Variants in KCNK9 observed in about 807,000 individuals in gnomAD.
The protein encoded by KCNK9 is potassium channel subfamily K member 9.
In KCNK9, 1 loss-of-function variant was observed where a neutral mutation model predicts 10.8. The observed-to-expected ratio is 0.09, with a 90% CI of 0.03 to 0.44. The LOEUF is 0.44. Among genes scored for constraint, KCNK9 ranks in the 20% least tolerant of loss-of-function variants. KCNK9 has a pLI of 0.97. For missense variants in KCNK9, 303 were observed against 515.0 expected (o/e 0.59, Z 3.98); for synonymous variants, 231 against 222.7 (o/e 1.04, Z -0.33).
intron 1 of KCNK9, among the ~76,000 whole-genome samples, chr8:139,635,307 G>A (rs574543389): frequency 5.9e-5 from 9 of 152,364 alleles, no homozygotes; most frequent in East Asian, 3.9e-4. Flanking sequence ...GAGTGTCTGC[G>A]TTGCTAGGGC....
chr8:139,618,616 C>T lies in KCNK9; in HGVS notation c.767G>A (p.Arg256Gln), dbSNP rs779895065. 5 of 1,614,138 alleles carry T rather than the reference C, an allele frequency of 3.1e-6. No homozygotes were observed. Among genetic ancestry groups the T allele is most frequent in the Admixed American group, 3.3e-5 (2 of 60,022 alleles). Residue 256 changes from arginine to glutamine, a missense_variant, in exon 2 of 2, where the codon CGG becomes CAG. Physicochemically the swap from Arg to Gln is conservative, Grantham distance 43. Around this residue, in one of 5 missense-constraint regions of KCNK9, gnomAD observed 53 missense variants for 134.9 expected, o/e 0.39. Transcript: ENST00000520439. The surrounding 1 kb of genome is among the most constrained non-coding windows in gnomAD (Gnocchi z 7.9). ...FLTMNSEDER[R>Q]DAEERASLAG... ...GAGGGATGCCCTCTCTTCAGCATCC[C>T]GCCGCTCATCCTCACTGTTCATGGT... is the stretch of plus-strand genomic sequence containing the variant.
intron 1 of KCNK9, among the ~76,000 whole-genome samples, chr8:139,630,082 C>G (rs1815114933): frequency 6.6e-6 from 1 of 151,684 alleles, no homozygotes; most frequent in African/African-American, 2.4e-5. Flanking sequence ...TGGGGGGCGG[C>G]GCGAAAGGGT....
chr8:139,617,464 G>A lies in KCNK9; in HGVS notation c.*794C>T, dbSNP rs1410589282. Among the ~76,000 whole-genome samples the A allele has an allele frequency of 6.6e-6, 1 of 152,172 alleles. No homozygotes were observed. Among genetic ancestry groups the A allele is most frequent in the East Asian group, 1.9e-4 (1 of 5,194 alleles). On this transcript the variant is annotated 3_prime_UTR_variant, in exon 2 of 2. Coordinates refer to ENST00000520439, the MANE Select transcript of KCNK9 (RefSeq NM_001282534.2). ...ATAGCGCATACCAGTTTAACAAAGT[G>A]CATGCTTTTTAAAAAATGTCTGAAC...
intron 1 of KCNK9, among the ~76,000 whole-genome samples, chr8:139,671,227 C>G (rs1271265255): frequency 6.6e-6 from 1 of 152,252 alleles, no homozygotes; most frequent in Non-Finnish European, 1.5e-5. Flanking sequence ...GGGCAGAGGG[C>G]TTCTGTGGCA....
chr8:139,663,652 T>TGA (rs1816223652), intron 1 of KCNK9, among the ~76,000 whole-genome samples: 2 of 145,354 alleles, frequency 1.4e-5, no homozygotes, highest in Admixed American at 6.8e-5. Flanking sequence ...TGCGCACGTG[T>TGA]GTGTGTGTGT....
chr8:139,701,252 G>A (rs973159058), intron 1 of KCNK9, among the ~76,000 whole-genome samples: 5 of 152,084 alleles, frequency 3.3e-5, no homozygotes, highest in Non-Finnish European at 4.4e-5. Context: ...AAGGGCGTGG[G>A]GCAAGCAAGA....
chr8:139,648,040 A>T (rs1484453689), intron 1 of KCNK9, among the ~76,000 whole-genome samples: 1 of 152,206 alleles, frequency 6.6e-6, no homozygotes, highest in African/African-American at 2.4e-5. Context: ...ATCTCCTTCA[A>T]ATAAGACCTG....
intron 1 of KCNK9, among the ~76,000 whole-genome samples, chr8:139,648,469 C>A (rs540956221): frequency 6.6e-6 from 1 of 152,370 alleles, no homozygotes; most frequent in Non-Finnish European, 1.5e-5. Flanking sequence ...ACAACCCATG[C>A]AAGATGGTGA....
chr8:139,609,771 C>T (rs943817058), downstream of KCNK9, among the ~76,000 whole-genome samples: 1 of 152,156 alleles, frequency 6.6e-6, no homozygotes, highest in Non-Finnish European at 1.5e-5. Flanking sequence ...TCACCTGCAA[C>T]AGAGGGTGTT....
At chr8:139,631,007 G>A (rs746115147) in intron 1 of KCNK9, among the ~76,000 whole-genome samples, 3 of 152,242 alleles carry the variant, frequency 2.0e-5, no homozygotes, top group Non-Finnish European at 4.4e-5. Flanking sequence ...CCTGCAAGAG[G>A]GGCTCTGCGC....
intron 1 of KCNK9, among the ~76,000 whole-genome samples, chr8:139,696,539 C>A (rs1364295885): frequency 1.3e-5 from 2 of 152,164 alleles, no homozygotes; most frequent in Admixed American, 6.5e-5. Flanking sequence ...GTGTGCCTCC[C>A]ACCAGCACAG....
At chr8:139,667,731 C>T (rs532182164) in intron 1 of KCNK9, among the ~76,000 whole-genome samples, 16 of 152,008 alleles carry the variant, frequency 1.1e-4, no homozygotes, top group East Asian at 1.9e-4. Flanking sequence ...TTCCTTATAA[C>T]GGCAAAAAAT....
intron 1 of KCNK9, among the ~76,000 whole-genome samples, chr8:139,677,347 T>A (rs573171405): frequency 6.6e-6 from 1 of 152,230 alleles, no homozygotes; most frequent in African/African-American, 2.4e-5. Flanking sequence ...GCTGGACTTC[T>A]GTTTGGGCTC....
At chr8:139,652,186 C>G (rs1000984314) in intron 1 of KCNK9, among the ~76,000 whole-genome samples, 4 of 152,162 alleles carry the variant, frequency 2.6e-5, no homozygotes, top group Non-Finnish European at 4.4e-5. Context: ...AGAGATAGTA[C>G]AGCAGAGACA....
intron 1 of KCNK9, among the ~76,000 whole-genome samples, chr8:139,700,466 TC>T (rs1817178085): frequency 6.6e-6 from 1 of 151,694 alleles, no homozygotes; most frequent in Non-Finnish European, 1.5e-5. Context: ...GTTAGAGCTG[TC>T]TTTTATTCAC....
At chr8:139,641,279 C>T (rs1815497909) in intron 1 of KCNK9, among the ~76,000 whole-genome samples, 1 of 152,202 alleles carries the variant, frequency 6.6e-6, no homozygotes, top group Non-Finnish European at 1.5e-5. Context: ...TCTCAGGGTG[C>T]CCTCACCGCA....
At chr8:139,607,295 A>ATCT (rs1814252089) in intron 2 of KCNK9, among the ~76,000 whole-genome samples, 1 of 152,190 alleles carries the variant, frequency 6.6e-6, no homozygotes, top group Non-Finnish European at 1.5e-5. Flanking sequence ...GTCCATGGGC[A>ATCT]TCTTAGTCCC....
rs995111715 is a variant in KCNK9, at chr8:139,662,521, G to A, written c.283+40189C>T. ...CTCAAGTTCTGTGCCACCACCAGCC[G>A]CTGGCCTGACCCCATGCACCAGGTC... is the stretch of plus-strand genomic sequence containing the variant. On this transcript the variant is annotated intron_variant, in intron 1 of 1. Transcript: ENST00000520439. 8.5e-5 allele frequency among the ~76,000 whole-genome samples: 13 copies of A among 152,096 alleles called. 1 individual carries two copies. The highest frequency in any genetic ancestry group is 8.3e-4 in the South Asian group (4 of 4,822).
intron 1 of KCNK9, among the ~76,000 whole-genome samples, chr8:139,663,745 G>C (rs577112096): frequency 6.6e-5 from 10 of 151,112 alleles, no homozygotes; most frequent in African/African-American, 2.4e-4. Flanking sequence ...ACTCAGTGTC[G>C]CTGCAACCGC....
Sources: gnomAD v4.1 joint callset for allele counts (sites outside exome capture counted in the v4.1 genomes callset) on GRCh38, gnomAD v4.1.1 for gene constraint, gnomAD v4.1.1 regional missense constraint, Gnocchi (gnomAD v3.1) non-coding constraint, MANE v1.5 for transcripts, NCBI Gene and HGNC (gene_info 2026-07-23, HGNC 2026-07-21) for gene names.